The following CCDC141 variants were observed in gnomAD, a reference collection of about 807,000 sequenced individuals.
CCDC141 encodes the protein coiled-coil domain containing 141, also known as coiled-coil domain-containing protein 141.
In CCDC141, 168 loss-of-function variants were observed where a neutral mutation model predicts 181.0. That is an observed-to-expected ratio of 0.93 (90% CI 0.82 to 1.05). The LOEUF (loss-of-function observed/expected upper bound fraction) is 1.05. Among genes scored for constraint, CCDC141 ranks in the 50% least tolerant of loss-of-function variants. CCDC141 has a pLI of 0.00. For missense variants in CCDC141, 1,902 were observed against 1,788.5 expected (o/e 1.06, Z -1.14); for synonymous variants, 666 against 642.3 (o/e 1.04, Z -0.56).
chr2:178,943,964 G>A (rs112749563), intron 6 of CCDC141, among the ~76,000 whole-genome samples: 180 of 152,218 alleles, frequency 1.2e-3, no homozygotes, highest in African/African-American at 4.1e-3. Context: ...AAGAGCAAAA[G>A]ACATGTAAAT....
chr2:178,950,081 T>A (rs1007502968), intron 5 of CCDC141, among the ~76,000 whole-genome samples: 1 of 152,244 alleles, frequency 6.6e-6, no homozygotes, highest in Non-Finnish European at 1.5e-5. Context: ...GAAAATCTCA[T>A]CAAATTACTT....
Position 178,891,146 on chromosome 2 carries a change from G to T in CCDC141, c.1266-2478C>A, listed in dbSNP as rs181699342. Among the ~76,000 whole-genome samples, 109 of 152,116 alleles carry T rather than the reference G, an allele frequency of 7.2e-4. 1 individual carries two copies. Among genetic ancestry groups the T allele is most frequent in the Admixed American group, 5.3e-3 (81 of 15,262 alleles). ...GATTAGTTATACATGTTACCTTCAGGAAATTTAAGGAAAAACAGATTACAT... is the reference window on the plus strand; with the variant it reads ...GATTAGTTATACATGTTACCTTCAGTAAATTTAAGGAAAAACAGATTACAT... On this transcript the variant is annotated intron_variant, in intron 8 of 23. Coordinates refer to ENST00000443758, the MANE Select transcript of CCDC141 (RefSeq NM_173648.4).
At chr2:178,916,625 T>C (rs1197622235) in intron 7 of CCDC141, among the ~76,000 whole-genome samples, 1 of 152,094 alleles carries the variant, frequency 6.6e-6, no homozygotes, top group African/African-American at 2.4e-5. Context: ...TTTGCTGAGG[T>C]AGAAATATCC....
Position 178,855,395 on chromosome 2 carries a change from G to A in CCDC141, c.3012C>T (p.Tyr1004=), listed in dbSNP as rs751877440. Residue 1004 remains tyrosine (Y), a synonymous_variant, in exon 19 of 24, where the codon TAC becomes TAT. Transcript: ENST00000443758. ...VDDFDKVVTD[Y]KKNLDLTEHF... The stretch of plus-strand genomic sequence containing the variant: ...GCTCAGTCAGGTCCAAATTCTTCTT[G>A]TAATCTGTCACAACTTTGTCAAAGT... 1 of 1,611,956 alleles carries A rather than the reference G, an allele frequency of 6.2e-7. No individual in the cohort carries two copies. Among genetic ancestry groups the A allele is most frequent in the South Asian group, 1.1e-5 (1 of 90,496 alleles).
At chr2:179,027,221 T>A (rs993718473) in intron 2 of CCDC141, among the ~76,000 whole-genome samples, 8 of 152,164 alleles carry the variant, frequency 5.3e-5, no homozygotes, top group African/African-American at 1.9e-4. Context: ...TTATCTTGAA[T>A]TGTAACACCC....
intron 2 of CCDC141, among the ~76,000 whole-genome samples, chr2:178,984,160 T>C (rs1465623570): frequency 1.3e-5 from 2 of 151,716 alleles, no homozygotes; most frequent in African/African-American, 4.8e-5. Context: ...GGGCCAATAG[T>C]CAACATTCTT....
intron 2 of CCDC141, among the ~76,000 whole-genome samples, chr2:179,040,569 G>T (rs1255477763): frequency 6.6e-6 from 1 of 152,056 alleles, no homozygotes; most frequent in African/African-American, 2.4e-5. Flanking sequence ...AGTGTGTGTT[G>T]TTCCCCCAAC....
At chr2:178,977,963 T>A (rs1413141812) in intron 3 of CCDC141, among the ~76,000 whole-genome samples, 1 of 152,178 alleles carries the variant, frequency 6.6e-6, no homozygotes, top group East Asian at 1.9e-4. Context: ...TATTGTAAGG[T>A]GTTCAAACTA....
At chr2:178,941,654 C>T (rs931736054) in intron 6 of CCDC141, among the ~76,000 whole-genome samples, 1 of 151,772 alleles carries the variant, frequency 6.6e-6, no homozygotes, top group East Asian at 1.9e-4. Flanking sequence ...CGAACCTCCC[C>T]CTTTAGAAAA....
chr2:178,921,139 A>G (rs1688671342), intron 6 of CCDC141, among the ~76,000 whole-genome samples: 1 of 152,222 alleles, frequency 6.6e-6, no homozygotes, highest in Non-Finnish European at 1.5e-5. Flanking sequence ...CAGCACTCTT[A>G]AGCATGGATA....
In CCDC141 at chr2:178,868,150, AG is replaced by A; in HGVS notation, c.2449del (p.Leu817TrpfsTer21). 1 of 1,614,050 alleles carries A rather than the reference AG, an allele frequency of 6.2e-7. No individual in the cohort carries two copies. Among genetic ancestry groups the A allele is most frequent in the African/African-American group, 1.3e-5 (1 of 75,066 alleles). On this transcript the variant is annotated frameshift_variant, in exon 16 of 24. Transcript: ENST00000443758. LOFTEE classifies it high-confidence loss of function. ...AATCTGCACATCATGGGCATCACCCAGTTCCTTCGGCTGCTCTACAAACTCC... is the reference window on the plus strand; with the variant it reads ...AATCTGCACATCATGGGCATCACCCATTCCTTCGGCTGCTCTACAAACTCC... ...ELEFVEQPKELGDAHDVQIHL... is the reference protein window; with the variant it reads ...ELEFVEQPKEXGDAHDVQIHL...
At chr2:178,968,741 G>A (rs1013810729) in intron 4 of CCDC141, among the ~76,000 whole-genome samples, 4 of 152,104 alleles carry the variant, frequency 2.6e-5, no homozygotes, top group Non-Finnish European at 5.9e-5. Flanking sequence ...TAAGATCAGA[G>A]CAGAACTGAA....
intron 2 of CCDC141, among the ~76,000 whole-genome samples, chr2:179,009,160 T>A (rs557914085): frequency 6.6e-6 from 1 of 152,164 alleles, no homozygotes; most frequent in African/African-American, 2.4e-5. Context: ...GGCAAAATCA[T>A]CTCTGAGGAA....
chr2:179,038,362 ATAAT>A, intron 2 of CCDC141, among the ~76,000 whole-genome samples: 1 of 152,302 alleles, frequency 6.6e-6, no homozygotes, highest in African/African-American at 2.4e-5. Flanking sequence ...AGTGGAAGTA[ATAAT>A]TAGAGTTATT....
intron 4 of CCDC141, among the ~76,000 whole-genome samples, chr2:178,966,739 A>G (rs1301407190): frequency 6.6e-6 from 1 of 152,132 alleles, no homozygotes; most frequent in Non-Finnish European, 1.5e-5. Context: ...ACAAAACTGG[A>G]CGGAGAATGA....
At chr2:178,947,213 G>A (rs972828089) in intron 5 of CCDC141, among the ~76,000 whole-genome samples, 1 of 152,124 alleles carries the variant, frequency 6.6e-6, no homozygotes, top group African/African-American at 2.4e-5. Context: ...GCAGACAGCT[G>A]CATAGATATT....
chr2:179,046,296 T>C (rs1262312601), intron 2 of CCDC141, among the ~76,000 whole-genome samples: 1 of 152,244 alleles, frequency 6.6e-6, no homozygotes, highest in African/African-American at 2.4e-5. Context: ...GGCTTAATGC[T>C]GTACCTGTTC....
intron 22 of CCDC141, among the ~76,000 whole-genome samples, chr2:178,840,884 C>A (rs980723752): frequency 2.0e-5 from 3 of 152,140 alleles, no homozygotes; most frequent in Non-Finnish European, 4.4e-5. Context: ...ATAATTTCTA[C>A]TATCAATAAG....
At chr2:179,004,848 G>A (rs1188797478) in intron 2 of CCDC141, among the ~76,000 whole-genome samples, 5 of 151,962 alleles carry the variant, frequency 3.3e-5, no homozygotes, top group East Asian at 1.9e-4. Context: ...CTCCTGCCTC[G>A]GCCCCACCTA....
Sources: allele counts gnomAD v4.1 joint callset (sites outside exome capture counted in the v4.1 genomes callset), GRCh38; gene constraint gnomAD v4.1.1; transcripts MANE v1.5; gene names NCBI Gene and HGNC (gene_info 2026-07-23, HGNC 2026-07-21).